Variants in SH3BGRL2 observed in about 807,000 individuals in gnomAD.
SH3BGRL2 encodes the protein SH3 domain-binding glutamic acid-rich-like protein 2.
Under a neutral mutation model 14.8 loss-of-function variants are expected in SH3BGRL2, and 21 were observed. The observed-to-expected ratio is 1.42, with a 90% confidence interval of 1.01 to 2.05. SH3BGRL2 has a LOEUF of 2.05. SH3BGRL2 is among the 30% of genes most tolerant of loss of function. SH3BGRL2 has a pLI of 0.00. For missense variants in SH3BGRL2, 147 were observed against 130.8 expected (o/e 1.12, Z -0.61); for synonymous variants, 50 against 47.8 (o/e 1.05, Z -0.19).
intron 1 of SH3BGRL2, among the ~76,000 whole-genome samples, chr6:79,633,480 G>A (rs1346307262): frequency 1.3e-5 from 2 of 152,016 alleles, no homozygotes; most frequent in Non-Finnish European, 2.9e-5. Context: ...ATACCTATTA[G>A]TCTTCTTTCC....
the SH3BGRL2 span, among the ~76,000 whole-genome samples, chr6:79,611,968 G>A: frequency 0.17 from 26,489 of 152,064 alleles, 2,418 homozygotes; most frequent in South Asian, 0.22. Context: ...AGCTATAATG[G>A]CAAGTCTGTG....
chr6:79,697,100 G>T (rs1293362109), intron 3 of SH3BGRL2, among the ~76,000 whole-genome samples: 2 of 152,078 alleles, frequency 1.3e-5, no homozygotes, highest in East Asian at 3.8e-4. Context: ...AACTAGAAAT[G>T]ATGTGTGTTA....
intron 1 of SH3BGRL2, among the ~76,000 whole-genome samples, chr6:79,673,239 G>A (rs1769808465): frequency 6.6e-6 from 1 of 151,932 alleles, no homozygotes; most frequent in African/African-American, 2.4e-5. Context: ...CAAGCTACCT[G>A]AATTGTGCTC....
At chr6:79,695,194 A>C (rs980562185) in intron 2 of SH3BGRL2, among the ~76,000 whole-genome samples, 1 of 152,150 alleles carries the variant, frequency 6.6e-6, no homozygotes. Context: ...TTCAAAGAAG[A>C]CTTGGCCAAA....
chr6:79,683,686 A>G (rs1357021575), intron 2 of SH3BGRL2, among the ~76,000 whole-genome samples: 1 of 152,068 alleles, frequency 6.6e-6, no homozygotes, highest in Non-Finnish European at 1.5e-5. Flanking sequence ...TGACCTTGTG[A>G]TCTGCCCGCC....
chr6:79,664,903 T>C (rs751221763), intron 1 of SH3BGRL2, among the ~76,000 whole-genome samples: 1 of 152,186 alleles, frequency 6.6e-6, no homozygotes, highest in Non-Finnish European at 1.5e-5. Context: ...TAACCATTTG[T>C]TATCATTGAA....
At chr6:79,558,298 G>GGTCCAGAAA in the SH3BGRL2 span, among the ~76,000 whole-genome samples, 1 of 152,170 alleles carries the variant, frequency 6.6e-6, no homozygotes, top group Admixed American at 6.5e-5. Context: ...AGGTCCAGAA[G>GGTCCAGAAA]GTCCAGCAAC....
At chr6:79,695,603 C>T (rs1233274760) in intron 2 of SH3BGRL2, among the ~76,000 whole-genome samples, 1 of 152,182 alleles carries the variant, frequency 6.6e-6, no homozygotes, top group Non-Finnish European at 1.5e-5. Flanking sequence ...TCAGTTCTCT[C>T]ACTTATTAGC....
intron 1 of SH3BGRL2, among the ~76,000 whole-genome samples, chr6:79,666,718 TA>T (rs970523312): frequency 7.9e-5 from 12 of 152,144 alleles, no homozygotes; most frequent in African/African-American, 2.4e-4. Flanking sequence ...CAAGCTGTTT[TA>T]AAAAAAACTT....
chr6:79,586,790 A>G, the SH3BGRL2 span, among the ~76,000 whole-genome samples: 13 of 152,218 alleles, frequency 8.5e-5, no homozygotes, highest in African/African-American at 2.7e-4. Flanking sequence ...GCTGTCTTCC[A>G]TCACCCTTCT....
intron 1 of SH3BGRL2, among the ~76,000 whole-genome samples, chr6:79,661,486 G>A (rs1368907532): frequency 6.6e-6 from 1 of 152,162 alleles, no homozygotes; most frequent in Non-Finnish European, 1.5e-5. Context: ...TTGCACTGTG[G>A]TCTGAGAGAC....
chr6:79,599,709 A>C, the SH3BGRL2 span, among the ~76,000 whole-genome samples: 1 of 152,174 alleles, frequency 6.6e-6, no homozygotes, highest in African/African-American at 2.4e-5. Flanking sequence ...GACGGGGCAG[A>C]CATCTTATTA....
At chr6:79,634,300 A>G (rs1319245006) in intron 1 of SH3BGRL2, among the ~76,000 whole-genome samples, 1 of 152,202 alleles carries the variant, frequency 6.6e-6, no homozygotes, top group Non-Finnish European at 1.5e-5. Context: ...TTTTACTAGG[A>G]AACAAAAGCA....
the SH3BGRL2 span, among the ~76,000 whole-genome samples, chr6:79,625,583 C>T: frequency 1.3e-5 from 2 of 152,074 alleles, no homozygotes; most frequent in East Asian, 1.9e-4. Context: ...AAACCAGATA[C>T]CTGTTATTTA....
chr6:79,697,885 A>C (rs1770365573), intron 3 of SH3BGRL2, among the ~76,000 whole-genome samples: 1 of 152,246 alleles, frequency 6.6e-6, no homozygotes, highest in Admixed American at 6.5e-5. Context: ...CCTTTTAAAA[A>C]ATACTGCTTG....
intron 1 of SH3BGRL2, among the ~76,000 whole-genome samples, chr6:79,638,057 T>C (rs1768961199): frequency 6.6e-6 from 1 of 152,216 alleles, no homozygotes; most frequent in South Asian, 2.1e-4. Flanking sequence ...ATATATAATG[T>C]ATAGTGATCA....
intron 2 of SH3BGRL2, among the ~76,000 whole-genome samples, chr6:79,690,537 C>T (rs890282730): frequency 6.6e-6 from 1 of 152,146 alleles, no homozygotes; most frequent in Non-Finnish European, 1.5e-5. Context: ...ACTGGATTCT[C>T]CTTTATTTTG....
At chr6:79,697,411 T>C (rs1287657821) in intron 3 of SH3BGRL2, among the ~76,000 whole-genome samples, 4 of 152,208 alleles carry the variant, frequency 2.6e-5, no homozygotes, top group African/African-American at 9.6e-5. Context: ...AATATGTCTA[T>C]TTTTAACACA....
At chr6:79,679,955 G>A (rs1769957828) in intron 2 of SH3BGRL2, among the ~76,000 whole-genome samples, 1 of 152,062 alleles carries the variant, frequency 6.6e-6, no homozygotes, top group Non-Finnish European at 1.5e-5. Flanking sequence ...TTGAGCTGTA[G>A]GTGTTCTTTA....
Sources: gnomAD v4.1 joint callset for allele counts (sites outside exome capture counted in the v4.1 genomes callset) on GRCh38, gnomAD v4.1.1 for gene constraint, MANE v1.5 for transcripts, NCBI Gene and HGNC (gene_info 2026-07-23, HGNC 2026-07-21) for gene names.